GJC1: variants seen among roughly 807,000 people sequenced by gnomAD.
GJC1 encodes gap junction gamma-1 protein.
A neutral mutation model predicts 29.3 loss-of-function variants in GJC1; 5 were observed. The observed-to-expected ratio is 0.17, with a 90% CI of 0.09 to 0.36. GJC1 has a LOEUF of 0.36. Among genes scored for constraint, GJC1 ranks in the 10% least tolerant of loss-of-function variants. The pLI, the probability that GJC1 is intolerant of heterozygous loss-of-function variation, is 1.00. For synonymous variants in GJC1, 177 were observed against 183.3 expected (o/e 0.97, Z 0.28); for missense variants, 310 against 496.2 (o/e 0.62, Z 3.56).
rs1273238617 is a variant in GJC1 at position 44,801,281 on chromosome 17, T to C, written c.*3346A>G. The C allele has an allele frequency of 6.6e-6, 1 of 152,014 alleles. No individual in the cohort carries two copies. The highest frequency in any genetic ancestry group is 1.5e-5 in the Non-Finnish European group (1 of 68,014). The allele number at this position is 152,014 out of a possible 1,614,324, so 9.4% of individuals were successfully genotyped here. On this transcript the variant is annotated 3_prime_UTR_variant, in exon 3 of 3. Transcript: ENST00000592524. ...CCTGAGCGACAAGAGCAAGACTCTG[T>C]CTTAAGAAAAAAAAGAGCAAAGGAC...
intron 1 of GJC1, among the ~76,000 whole-genome samples, chr17:44,814,445 C>T (rs572221394): frequency 1.2e-4 from 19 of 152,186 alleles, no homozygotes; most frequent in South Asian, 8.3e-4. Flanking sequence ...CAGCCCTGAA[C>T]ATTTTATCTA....
chr17:44,802,012 G>A lies in GJC1; in HGVS notation c.*2615C>T, dbSNP rs1017075770. On this transcript the variant is annotated 3_prime_UTR_variant, in exon 3 of 3. Transcript: ENST00000592524. Reference sequence around the variant, plus strand: ...TGTACTAAGAAGGCAGTTAGAGCTGGAAAATTCTTGACATAATTACAACTT... The same window carrying A: ...TGTACTAAGAAGGCAGTTAGAGCTGAAAAATTCTTGACATAATTACAACTT... 2.0e-5 allele frequency: 3 copies of A among 152,176 alleles called. No individual in the cohort carries two copies. Among genetic ancestry groups the A allele is most frequent in the Admixed American group, 6.6e-5 (1 of 15,266 alleles). 9.4% of individuals were successfully genotyped at this position (152,176 alleles called of 1,614,324 possible).
chr17:44,796,575 T>G (rs533197891), downstream of GJC1, among the ~76,000 whole-genome samples: 1 of 152,306 alleles, frequency 6.6e-6, no homozygotes, highest in South Asian at 2.1e-4. Flanking sequence ...TCAAACAATT[T>G]TTTAAAAATG....
chr17:44,805,740 A>G lies in GJC1; in HGVS notation c.78T>C (p.Thr26=). 6.2e-7 allele frequency: 1 copy of G among 1,614,194 alleles called. No homozygotes were observed. The highest frequency in any genetic ancestry group is 1.1e-5 in the South Asian group (1 of 91,088). Residue 26 remains threonine, a synonymous_variant, in exon 3 of 3, where the codon ACT becomes ACC. Transcript: ENST00000592524. The surrounding 1 kb of genome is among the most constrained non-coding windows in gnomAD (Gnocchi z 5.1). ...GGACGATCCGGAAGACAATCAGAACAGTGAGCCAGATCTTCCCCACAAATG... is the reference window on the plus strand; with the variant it reads ...GGACGATCCGGAAGACAATCAGAACGGTGAGCCAGATCTTCCCCACAAATG... ...HSTFVGKIWL[T]VLIVFRIVLT... is the part of the protein sequence containing the mutation.
Position 44,821,726 on chromosome 17 carries a change from C to CAAAA in GJC1, c.-97+8335_-97+8336insTTTT, listed in dbSNP as rs1338508082. The stretch of plus-strand genomic sequence containing the variant: ...AAAAAAAAAAAAAAAAAAAAAAAAA[C>CAAAA]AACAAAAAAACACCAACACCCATAC... On this transcript the variant is annotated intron_variant, in intron 1 of 2. Transcript: ENST00000592524. 3.0e-4 allele frequency among the ~76,000 whole-genome samples: 23 copies of CAAAA among 75,462 alleles called. 1 individual carries two copies. Among genetic ancestry groups the CAAAA allele is most frequent in the African/African-American group, 1.2e-3 (23 of 19,468 alleles). The allele number at this position is 75,462 out of a possible 152,430, so 49.5% of individuals were successfully genotyped here. A position where few individuals can be genotyped will look rare whatever the true frequency, so the allele number is the denominator to read the frequency against.
At chr17:44,830,470 G>A (rs568055912), upstream of GJC1, among the ~76,000 whole-genome samples, 11 of 152,266 alleles carry the variant, frequency 7.2e-5, no homozygotes, top group South Asian at 2.3e-3. The surrounding 1 kb of genome is among the most constrained non-coding windows in gnomAD (Gnocchi z 4.3). Context: ...GGACGCGGCG[G>A]AGGCGCGGCG....
intron 1 of GJC1, among the ~76,000 whole-genome samples, chr17:44,826,328 C>T (rs935590370): frequency 1.3e-5 from 2 of 152,014 alleles, no homozygotes; most frequent in Non-Finnish European, 2.9e-5. Flanking sequence ...ATCAGGAGAT[C>T]GAGACCATCC....
chr17:44,796,007 TCTC>T (rs2049781442), downstream of GJC1, among the ~76,000 whole-genome samples: 1 of 152,186 alleles, frequency 6.6e-6, no homozygotes, highest in Non-Finnish European at 1.5e-5. Flanking sequence ...CGGCCCGGGC[TCTC>T]CTCTGACTGC....
At position 44,810,332 on chromosome 17, in the gene GJC1, G is replaced by T. The variant is rs1415653154; in HGVS notation, c.-96-2863C>A. 4.6e-5 allele frequency among the ~76,000 whole-genome samples: 7 copies of T among 152,240 alleles called. No homozygotes were observed. In the East Asian group the frequency reaches 1.4e-3, roughly 29 times the overall value. On this transcript the variant is annotated intron_variant, in intron 1 of 2. Transcript: ENST00000592524. ...CTTTTAAGTAATTATTGTTATGAAA[G>T]AATTTCTCAACAGTTGAGCTTTTCA...
chr17:44,804,397 T>C lies in GJC1; in HGVS notation c.*230A>G, dbSNP rs1386075361. 5 of 485,562 alleles carry C rather than the reference T, an allele frequency of 1.0e-5. No homozygotes were observed. Among genetic ancestry groups the C allele is most frequent in the South Asian group, 4.1e-5 (1 of 24,540 alleles). The allele number at this position is 485,562 out of a possible 1,614,324, so 30.1% of individuals were successfully genotyped here. Reference sequence around the variant, plus strand: ...CTTCTCCAGATCTGGAAGACACAAATGTAAAGTTCTGCAACTGTATTATTG... The same window carrying C: ...CTTCTCCAGATCTGGAAGACACAAACGTAAAGTTCTGCAACTGTATTATTG... On this transcript the variant is annotated 3_prime_UTR_variant, in exon 3 of 3. Transcript: ENST00000592524.
intron 1 of GJC1, among the ~76,000 whole-genome samples, chr17:44,812,857 C>T (rs184698349): frequency 1.3e-5 from 2 of 151,972 alleles, no homozygotes; most frequent in East Asian, 1.9e-4. Flanking sequence ...CCACATTAAC[C>T]GGGATGGTCT....
intron 2 of GJC1, among the ~76,000 whole-genome samples, chr17:44,806,538 T>C (rs933397837): frequency 5.3e-5 from 8 of 152,028 alleles, no homozygotes; most frequent in Admixed American, 4.6e-4. Context: ...TATCTGGGAT[T>C]ACAGTCATGC....
intron 1 of GJC1, among the ~76,000 whole-genome samples, chr17:44,825,858 T>C (rs990937699): frequency 9.8e-5 from 15 of 152,304 alleles, no homozygotes; most frequent in Admixed American, 5.9e-4. Flanking sequence ...ACAAGCATTA[T>C]AGCCTCAAAG....
At chr17:44,815,506 T>C (rs1330725125) in intron 1 of GJC1, among the ~76,000 whole-genome samples, 1 of 152,280 alleles carries the variant, frequency 6.6e-6, no homozygotes, top group East Asian at 1.9e-4. Context: ...TGCCTGGCAA[T>C]GAATGTATAC....
downstream of GJC1, among the ~76,000 whole-genome samples, chr17:44,795,620 T>G (rs911289545): frequency 1.2e-4 from 18 of 152,236 alleles, no homozygotes; most frequent in African/African-American, 3.9e-4. Flanking sequence ...ACTTCTTCAG[T>G]GCCCTGCTGC....
At chr17:44,828,133 T>C (rs1422781346) in intron 1 of GJC1, among the ~76,000 whole-genome samples, 2 of 152,160 alleles carry the variant, frequency 1.3e-5, no homozygotes, top group Non-Finnish European at 2.9e-5. Context: ...TTCCTTCCCT[T>C]TGGCTGACTT....
Position 44,826,010 on chromosome 17 carries a change from TC to T in GJC1, c.-97+4051del, listed in dbSNP as rs1371089970. On this transcript the variant is annotated intron_variant, in intron 1 of 2. Transcript: ENST00000592524. ...ATCTCGGCTAACTGCAACCTCCACCTCCCAGGTTCAAGCCATTTGCCTGCCT... is the reference window on the plus strand; with the variant it reads ...ATCTCGGCTAACTGCAACCTCCACCTCCAGGTTCAAGCCATTTGCCTGCCT... Among the ~76,000 whole-genome samples the T allele has an allele frequency of 3.9e-5, 6 of 152,094 alleles. No individual in the cohort carries two copies. The East Asian group carries it at 9.8e-4, about 25-fold the overall frequency.
chr17:44,805,910 T>C lies in GJC1; in HGVS notation c.-20-73A>G. 1.4e-6 allele frequency: 1 copy of C among 712,884 alleles called. No individual in the cohort carries two copies. The highest frequency in any genetic ancestry group is 2.3e-6 in the Non-Finnish European group (1 of 430,932). 44.2% of individuals were successfully genotyped at this position (712,884 alleles called of 1,614,324 possible). On this transcript the variant is annotated intron_variant, in intron 2 of 2. Coordinates refer to ENST00000592524, the MANE Select transcript of GJC1 (RefSeq NM_005497.4). This position sits in a 1 kb window ranked among gnomAD's most constrained non-coding sequence, Gnocchi z 5.1. ...CTTAATTTAATTACTAATTATGATA[T>C]CTCTAGGAACTACTGCTTTGAATAC...
At chr17:44,811,959 TC>T (rs1403961241) in intron 1 of GJC1, among the ~76,000 whole-genome samples, 1 of 145,460 alleles carries the variant, frequency 6.9e-6, no homozygotes, top group African/African-American at 2.6e-5. Flanking sequence ...GCCGAGATCG[TC>T]CCATTGCACT....
Sources: gnomAD v4.1 joint callset for allele counts (sites outside exome capture counted in the v4.1 genomes callset) on GRCh38, gnomAD v4.1.1 for gene constraint, Gnocchi (gnomAD v3.1) non-coding constraint, MANE v1.5 for transcripts, NCBI Gene and HGNC (gene_info 2026-07-23, HGNC 2026-07-21) for gene names.